The following RALGDS variants were observed in gnomAD, a reference collection of about 807,000 sequenced individuals.
RALGDS encodes ral guanine nucleotide exchange factor.
RALGDS carries 44 observed loss-of-function variants against 99.8 expected under a neutral mutation model. That is an observed-to-expected ratio of 0.44 (90% CI 0.35 to 0.57). The LOEUF (loss-of-function observed/expected upper bound fraction) is 0.57, where lower values mean the gene tolerates loss of function less well. Among genes scored for constraint, RALGDS ranks in the 20% least tolerant of loss-of-function variants. The pLI is 0.01. For missense variants in RALGDS, 1,022 were observed against 1,203.1 expected, an observed-to-expected ratio of 0.85 and a Z score of 2.23; for synonymous variants, 529 against 505.0, an observed-to-expected ratio of 1.05 and a Z score of -0.64.
upstream of RALGDS, among the ~76,000 whole-genome samples, chr9:133,122,903 C>T (rs1425611694): frequency 6.6e-6 from 1 of 152,144 alleles, no homozygotes; most frequent in Non-Finnish European, 1.5e-5. Context: ...AGGGTTTCAC[C>T]ATGTTGGCCA....
intron 1 of RALGDS, among the ~76,000 whole-genome samples, chr9:133,136,236 C>T (rs1358546096): frequency 6.6e-6 from 1 of 152,234 alleles, no homozygotes; most frequent in Non-Finnish European, 1.5e-5. Flanking sequence ...AAAAACAGAA[C>T]AGGGAAGGCT....
chr9:133,104,430 C>T (rs1444991800), intron 9 of RALGDS, 99 bp from the exon 10 acceptor site: 3 of 1,115,896 alleles, frequency 2.7e-6, no homozygotes, highest in African/African-American at 3.1e-5. Flanking sequence ...CCAGGGCTGA[C>T]CCTGTATCAA....
chr9:133,127,595 A>C (rs1434568866), intron 1 of RALGDS, among the ~76,000 whole-genome samples: 5 of 152,208 alleles, frequency 3.3e-5, no homozygotes. Context: ...GCGGGTGAGC[A>C]CACACCTTGG....
chr9:133,103,186 G>T, intron 12 of RALGDS, 44 bp downstream of exon 12: 5 of 1,612,178 alleles, frequency 3.1e-6, no homozygotes, highest in Non-Finnish European at 8.5e-7. Flanking sequence ...TGGTGGGTCT[G>T]TTTTCCACCC....
chr9:133,149,039 G>C (rs1386829349), exon 1 of RALGDS: 2 of 1,456,276 alleles, frequency 1.4e-6, no homozygotes, highest in Non-Finnish European at 1.8e-6. Flanking sequence ...CGCAGAGGCC[G>C]CTCGCCTGGG....
chr9:133,108,406 G>A lies in RALGDS; in HGVS notation c.779C>T (p.Ala260Val), dbSNP rs917583202. ...HSEPIEAEPE[A>V]LSPVPALKPT... ...TTTTAGAGCTGGCACTGGTGACAGA[G>A]CTGCAAGAGGAGAAAAGTTCAACAA... Residue 260 changes from alanine (A) to valine (V), a missense_variant and splice_region_variant, in exon 6 of 18, where the codon GCT (alanine) becomes GTT (valine). Coordinates refer to ENST00000372050, the MANE Select transcript of RALGDS (RefSeq NM_006266.4). The A allele has an allele frequency of 1.3e-5, 20 of 1,535,822 alleles. No individual in the cohort carries two copies. Among genetic ancestry groups the A allele is most frequent in the Non-Finnish European group, 1.6e-5 (18 of 1,146,490 alleles).
chr9:133,100,188 G>C, intron 17 of RALGDS, 80 bp downstream of exon 17: 1 of 1,307,660 alleles, frequency 7.6e-7, no homozygotes. Context: ...AATTTTCTGG[G>C]GCCAAAGGCT....
chr9:133,098,963 G>A (rs1368395074), intron 17 of RALGDS: 4 of 593,446 alleles, frequency 6.7e-6, no homozygotes, highest in Non-Finnish European at 1.2e-5. Context: ...AAAACCTGAT[G>A]ACTCTTGTTT....
chr9:133,108,707 C>T lies in RALGDS; in HGVS notation c.744G>A (p.Leu248=). The T allele has an allele frequency of 1.2e-6, 2 of 1,613,760 alleles. No individual in the cohort carries two copies. The highest frequency in any genetic ancestry group is 1.7e-6 in the Non-Finnish European group (2 of 1,180,022). Residue 248 remains leucine, a synonymous_variant, in exon 5 of 18, where the codon CTG becomes CTA. Coordinates refer to ENST00000372050, the MANE Select transcript of RALGDS (RefSeq NM_006266.4). Reference sequence around the variant, plus strand: ...CTGCCTCAATGGGTTCCGAGTGCTCCAGCTGGGCCAGGAGAAGGTGGGCAC... The same window carrying T: ...CTGCCTCAATGGGTTCCGAGTGCTCTAGCTGGGCCAGGAGAAGGTGGGCAC... The part of the protein sequence containing the change: ...ERRAHLLLAQ[L]EHSEPIEAEP...
chr9:133,130,983 G>A (rs931407311), exon 1 of RALGDS: 6 of 1,535,642 alleles, frequency 3.9e-6, no homozygotes, highest in Non-Finnish European at 5.2e-6. Flanking sequence ...TGGATGCCCA[G>A]TCCCTGGCTG....
chr9:133,117,722 C>T (rs1426940243), intron 1 of RALGDS, among the ~76,000 whole-genome samples: 2 of 152,230 alleles, frequency 1.3e-5, no homozygotes, highest in Non-Finnish European at 2.9e-5. Context: ...GCTGGAAGTC[C>T]AACCCTGGGA....
rs147248685 is a variant in RALGDS, at chr9:133,130,333, C to A, written c.132+619G>T. On this transcript the variant is annotated intron_variant, in intron 1 of 17. Transcript: ENST00000372062. The stretch of plus-strand genomic sequence containing the variant: ...TTTTGCCATGTTGGCCAGGCTGGTT[C>A]GAACTCCTGACCTCAGGTGATCCAC... 5.3e-3 allele frequency among the ~76,000 whole-genome samples: 812 copies of A among 152,244 alleles called. 10 individuals carry two copies. The highest frequency in any genetic ancestry group is 0.018 in the African/African-American group (764 of 41,528).
upstream of RALGDS, among the ~76,000 whole-genome samples, chr9:133,131,527 G>C (rs1327795066): frequency 2.6e-5 from 4 of 151,978 alleles, no homozygotes; most frequent in Non-Finnish European, 5.9e-5. Flanking sequence ...CTTGGTCTCA[G>C]GACTCGGCCC....
chr9:133,104,205 C>A (rs1830904648), intron 10 of RALGDS, 58 bp downstream of exon 10: 3 of 1,530,514 alleles, frequency 2.0e-6, no homozygotes, highest in Non-Finnish European at 2.7e-6. Flanking sequence ...GAGGAAAGGG[C>A]CCTCCTCCCT....
chr9:133,102,254 C>T (rs1830792103), intron 14 of RALGDS, 115 bp from the exon 15 acceptor site: 3 of 1,197,536 alleles, frequency 2.5e-6, no homozygotes, highest in Non-Finnish European at 3.5e-6. Flanking sequence ...TGCCAGTACT[C>T]CATTCACCAC....
intron 12 of RALGDS, among the ~76,000 whole-genome samples, 153 bp downstream of exon 12, chr9:133,103,076 AC>A (rs975159233): frequency 3.3e-5 from 5 of 151,092 alleles, no homozygotes; most frequent in African/African-American, 1.2e-4. Context: ...ATAACCTCCT[AC>A]CCTCACCCTC....
At position 133,108,023 on chromosome 9, in the gene RALGDS, C is replaced by T. The variant is rs776290729; in HGVS notation, c.1162G>A (p.Asp388Asn). 6.8e-6 allele frequency: 11 copies of T among 1,613,326 alleles called. No individual in the cohort carries two copies. The highest frequency in any genetic ancestry group is 8.5e-6 in the Non-Finnish European group (10 of 1,180,042). Reference protein sequence around the residue: ...EKPHLLVFPPDLVAEQFTLMD... With the variant: ...EKPHLLVFPPNLVAEQFTLMD... ...AGTGTAAACTGCTCTGCCACCAGAT[C>T]TGGAGGGAACACCAAGAGGTGAGGC... Residue 388 changes from aspartate (D) to asparagine (N), a missense_variant, in exon 6 of 18, where the codon GAT becomes AAT. Around this residue, in one of 3 missense-constraint regions of RALGDS, gnomAD observed 825 missense variants for 994.5 expected, o/e 0.83. Transcript: ENST00000372050.
chr9:133,106,872 C>T (rs755417749), intron 7 of RALGDS, 124 bp from the exon 8 acceptor site: 339 of 921,526 alleles, frequency 3.7e-4, no homozygotes, highest in Middle Eastern at 1.8e-3. Context: ...CCAGAGGGCA[C>T]GCCTGCGACC....
chr9:133,103,204 A>T, intron 12 of RALGDS, 26 bp downstream of exon 12: 1 of 1,613,706 alleles, frequency 6.2e-7, no homozygotes, highest in Non-Finnish European at 8.5e-7. Flanking sequence ...CCCCTCCCCA[A>T]GTCAGGGCTG....
Sources: allele counts gnomAD v4.1 joint callset (sites outside exome capture counted in the v4.1 genomes callset), GRCh38; gene constraint gnomAD v4.1.1; regional missense constraint gnomAD v4.1.1; transcripts MANE v1.5; gene names NCBI Gene and HGNC (gene_info 2026-07-23, HGNC 2026-07-21).